Variants in RYR2 observed in about 807,000 individuals in gnomAD.
RYR2 encodes ryanodine receptor 2.
RYR2 carries 227 observed loss-of-function variants against 601.1 expected under a neutral mutation model. That is an observed-to-expected ratio of 0.38 (90% CI 0.34 to 0.42). The LOEUF is 0.42. RYR2 is among the 10% of genes least tolerant of loss of function. The pLI is 1.00. For synonymous variants in RYR2, 2,223 were observed against 2,175.1 expected, an observed-to-expected ratio of 1.02 and a Z score of -0.61; for missense variants, 4,646 against 6,156.5, an observed-to-expected ratio of 0.75 and a Z score of 8.21.
intron 12 of RYR2, among the ~76,000 whole-genome samples, chr1:237,428,810 C>A (rs1361420002): frequency 6.7e-6 from 1 of 149,454 alleles, no homozygotes; most frequent in Non-Finnish European, 1.5e-5. Flanking sequence ...ATTTACATAA[C>A]AAATAAATAT....
chr1:237,431,657 C>A (rs1209082960), intron 12 of RYR2, among the ~76,000 whole-genome samples: 1 of 152,026 alleles, frequency 6.6e-6, no homozygotes, highest in Non-Finnish European at 1.5e-5. Flanking sequence ...CTATATATTG[C>A]TGACTACTTC....
intron 22 of RYR2, among the ~76,000 whole-genome samples, chr1:237,506,193 G>C (rs1665216858): frequency 6.8e-6 from 1 of 147,378 alleles, no homozygotes; most frequent in Non-Finnish European, 1.5e-5. Flanking sequence ...CTCATAAATT[G>C]ATTTGGAAAC....
At chr1:237,477,623 T>A (rs1472770093) in intron 17 of RYR2, among the ~76,000 whole-genome samples, 1 of 152,222 alleles carries the variant, frequency 6.6e-6, no homozygotes, top group Non-Finnish European at 1.5e-5. Flanking sequence ...AGCATCACCC[T>A]TGGTCAAGTA....
intron 97 of RYR2, 59 bp downstream of exon 97, chr1:237,798,229 C>T (rs1659510096): frequency 2.0e-6 from 3 of 1,487,700 alleles, no homozygotes; most frequent in Non-Finnish European, 2.7e-6. Context: ...AACATTAATA[C>T]ATTTTTAAAC....
At chr1:237,594,031 T>G (rs1218185467) in intron 33 of RYR2, among the ~76,000 whole-genome samples, 1 of 152,188 alleles carries the variant, frequency 6.6e-6, no homozygotes, top group Non-Finnish European at 1.5e-5. Context: ...GAAGACAATG[T>G]GGGCTGGTAG....
At chr1:237,405,693 T>C (rs1703793587) in intron 10 of RYR2, among the ~76,000 whole-genome samples, 1 of 152,084 alleles carries the variant, frequency 6.6e-6, no homozygotes, top group African/African-American at 2.4e-5. Flanking sequence ...AGAAGGATTT[T>C]AGGTCCTATT....
At chr1:237,522,451 T>G (rs573016586) in intron 24 of RYR2, among the ~76,000 whole-genome samples, 1 of 152,330 alleles carries the variant, frequency 6.6e-6, no homozygotes, top group South Asian at 2.1e-4. Flanking sequence ...GTTCACTTCT[T>G]TCGAACATGT....
At chr1:237,169,423 C>T (rs762902337) in intron 1 of RYR2, among the ~76,000 whole-genome samples, 32 of 152,096 alleles carry the variant, frequency 2.1e-4, no homozygotes, top group Non-Finnish European at 3.7e-4. Flanking sequence ...CTCAGCCTCC[C>T]GAGTAGCTGG....
At chr1:237,629,176 CATT>C (rs1329790352) in intron 41 of RYR2, among the ~76,000 whole-genome samples, 1 of 151,856 alleles carries the variant, frequency 6.6e-6, no homozygotes, top group African/African-American at 2.4e-5. Flanking sequence ...TCTAAGCAAT[CATT>C]AATAATAAGC....
chr1:237,166,078 C>T (rs138968715), intron 1 of RYR2, among the ~76,000 whole-genome samples: 2 of 152,248 alleles, frequency 1.3e-5, no homozygotes, highest in Non-Finnish European at 2.9e-5. Context: ...ATCTTAATGA[C>T]CCACTATCAG....
At position 237,643,344 on chromosome 1, in the gene RYR2, G is replaced by C; in HGVS notation, c.7239G>C (p.Lys2413Asn). ...APEMHLIHAG[K>N]GEAIRIRSIL... ...CTGTATAGTTGATTCATGCCGGGAA[G>C]GGAGAAGCCATCAGAATTAGGTCCA... The change falls in exon 48 of 105, where the codon AAG (lysine) becomes AAC (asparagine). Residue 2413 changes from lysine (K) to asparagine (N), a missense_variant. Coordinates refer to ENST00000366574, the MANE Select transcript of RYR2 (RefSeq NM_001035.3). 6.2e-7 allele frequency: 1 copy of C among 1,613,658 alleles called. No individual in the cohort carries two copies. The highest frequency in any genetic ancestry group is 8.5e-7 in the Non-Finnish European group (1 of 1,179,718).
In RYR2 at chr1:237,784,457, A is replaced by T. The variant is rs1695385129; in HGVS notation, c.12745A>T (p.Arg4249Trp). The change falls in exon 90 of 105, where the codon AGG becomes TGG. Residue 4249 changes from arginine (R) to tryptophan (W), a missense_variant. Physicochemically the swap from Arg to Trp is moderately radical, Grantham distance 101. Transcript: ENST00000366574. This position sits in a 1 kb window ranked among gnomAD's most constrained non-coding sequence, Gnocchi z 7.1. ...GGTCAGGTCGGCCCTGTTTGCGCTC[A>T]GGTACAATATCTTGACCCTTATGCG... ...LTVRSALFAL[R>W]YNILTLMRML... is the part of the protein sequence containing the mutation. 2.5e-6 allele frequency: 4 copies of T among 1,613,744 alleles called. No individual in the cohort carries two copies. The highest frequency in any genetic ancestry group is 3.4e-6 in the Non-Finnish European group (4 of 1,179,792).
chr1:237,666,392 G>A, intron 56 of RYR2, 120 bp from the exon 57 acceptor site: 2 of 777,968 alleles, frequency 2.6e-6, no homozygotes, highest in East Asian at 2.8e-5. Context: ...ATAGAAACTT[G>A]CCAGTTTTAT....
rs34356645 is a variant in RYR2, at chr1:237,100,760, TC to T, written c.48+58192del. ...AAGAAAGGATTTATGTGCTTGGGAT[TC>T]TTGAGGGGTTTTCCAGAGTCAGTCC... On this transcript the variant is annotated intron_variant, in intron 1 of 104. Coordinates refer to ENST00000366574, the MANE Select transcript of RYR2 (RefSeq NM_001035.3). Among the ~76,000 whole-genome samples the T allele has an allele frequency of 7.3e-3, 1,104 of 152,220 alleles. 38 individuals are homozygous for T. Among genetic ancestry groups the T allele is most frequent in the Admixed American group, 0.067 (1,026 of 15,282 alleles).
At chr1:237,237,525 T>C (rs1006232180) in intron 1 of RYR2, among the ~76,000 whole-genome samples, 20 of 152,146 alleles carry the variant, frequency 1.3e-4, no homozygotes, top group African/African-American at 1.2e-4. Flanking sequence ...AGCATACACA[T>C]TAAAACAGAA....
chr1:237,170,073 A>G (rs10925337), intron 1 of RYR2, among the ~76,000 whole-genome samples: 52,320 of 151,926 alleles, frequency 0.34, 9,099 homozygotes, highest in East Asian at 0.51. Flanking sequence ...GGATTCTGGC[A>G]ATAGAATAAG....
At chr1:237,694,368 G>C (rs946656884) in intron 63 of RYR2, among the ~76,000 whole-genome samples, 2 of 151,642 alleles carry the variant, frequency 1.3e-5, no homozygotes, top group Admixed American at 1.3e-4. Context: ...TGAGGATTCA[G>C]TGTGCCATTA....
intron 1 of RYR2, among the ~76,000 whole-genome samples, chr1:237,233,403 T>C (rs946662352): frequency 6.6e-6 from 1 of 152,148 alleles, no homozygotes; most frequent in Admixed American, 6.5e-5. Flanking sequence ...TTTGTGTTAT[T>C]TTGGGGAGAG....
chr1:237,165,558 G>A (rs1362398294), intron 1 of RYR2, among the ~76,000 whole-genome samples: 1 of 152,110 alleles, frequency 6.6e-6, no homozygotes, highest in Non-Finnish European at 1.5e-5. Context: ...TTTAAATAAT[G>A]TCCTTTTATT....
Sources: gnomAD v4.1 joint callset for allele counts (sites outside exome capture counted in the v4.1 genomes callset) on GRCh38, gnomAD v4.1.1 for gene constraint, Gnocchi (gnomAD v3.1) non-coding constraint, MANE v1.5 for transcripts, NCBI Gene and HGNC (gene_info 2026-07-23, HGNC 2026-07-21) for gene names.